Variants in IMMP2L observed in about 807,000 individuals in gnomAD.
IMMP2L encodes inner mitochondrial membrane peptidase subunit 2, also known as mitochondrial inner membrane protease subunit 2.
In IMMP2L, 18 loss-of-function variants were observed where a neutral mutation model predicts 19.3. The observed-to-expected ratio is 0.93, with a 90% confidence interval of 0.64 to 1.38. IMMP2L has a LOEUF of 1.38. Ranked by LOEUF, IMMP2L falls within the 40% of genes most tolerant of loss-of-function variation. The probability of loss-of-function intolerance (pLI) is 0.00; values close to 1 mark genes in which losing one functional copy is unlikely to be tolerated. For missense variants in IMMP2L, 233 were observed against 218.2 expected (o/e 1.07, Z -0.43); for synonymous variants, 76 against 73.0 (o/e 1.04, Z -0.21).
intron 3 of IMMP2L, among the ~76,000 whole-genome samples, chr7:111,304,488 C>A (rs1185222962): frequency 2.0e-5 from 3 of 151,288 alleles, no homozygotes; most frequent in African/African-American, 7.3e-5. Flanking sequence ...ATATTGTGAG[C>A]CCATAGGTGT....
At chr7:110,954,851 C>A (rs1317025927) in intron 4 of IMMP2L, among the ~76,000 whole-genome samples, 3 of 152,018 alleles carry the variant, frequency 2.0e-5, no homozygotes, top group Admixed American at 6.6e-5. Context: ...AAGGAAACCA[C>A]TGACAGGGGT....
intron 3 of IMMP2L, among the ~76,000 whole-genome samples, chr7:111,242,958 G>C (rs1815295755): frequency 6.6e-6 from 1 of 151,964 alleles, no homozygotes; most frequent in South Asian, 2.1e-4. Flanking sequence ...CATTTACTAA[G>C]TTGTATTTTA....
At chr7:111,122,728 T>G in intron 3 of IMMP2L, 5 of 1,475,864 alleles carry the variant, frequency 3.4e-6, no homozygotes, top group Non-Finnish European at 4.7e-6. Flanking sequence ...GCACTGACTG[T>G]GGAATCCTTA....
intron 3 of IMMP2L, among the ~76,000 whole-genome samples, chr7:111,445,292 C>T (rs1838218216): frequency 1.3e-5 from 2 of 152,024 alleles, no homozygotes; most frequent in Admixed American, 6.5e-5. Flanking sequence ...TTTTCCACTA[C>T]AGGTGCTCTC....
At chr7:110,998,492 A>G (rs901829844) in intron 3 of IMMP2L, among the ~76,000 whole-genome samples, 1 of 152,202 alleles carries the variant, frequency 6.6e-6, no homozygotes, top group Non-Finnish European at 1.5e-5. Flanking sequence ...GCAACTATCA[A>G]TTAATCACTG....
At chr7:111,025,162 A>T (rs1304813399) in intron 3 of IMMP2L, among the ~76,000 whole-genome samples, 1 of 152,112 alleles carries the variant, frequency 6.6e-6, no homozygotes, top group Non-Finnish European at 1.5e-5. Context: ...AGCACTTTGA[A>T]CTTTGAACAA....
At chr7:111,165,439 G>T (rs1012639267) in intron 3 of IMMP2L, among the ~76,000 whole-genome samples, 1 of 151,984 alleles carries the variant, frequency 6.6e-6, no homozygotes, top group Non-Finnish European at 1.5e-5. Context: ...TAAATTACCA[G>T]AAGTGGAATT....
Position 110,730,567 on chromosome 7 carries a change from T to C in IMMP2L, c.409-66846A>G, listed in dbSNP as rs140538959. ...TTTTTGAGACGGAGTCTCGCTCTGT[T>C]GCCCAGGCTGGAGTGCATGCCATCT... is the stretch of plus-strand genomic sequence containing the variant. On this transcript the variant is annotated intron_variant, in intron 5 of 5. Transcript: ENST00000405709. Among the ~76,000 whole-genome samples, 830 of 151,824 alleles carry C rather than the reference T, an allele frequency of 5.5e-3. 3 individuals are homozygous for C. Among genetic ancestry groups the C allele is most frequent in the Middle Eastern group, 0.017 (5 of 292 alleles).
chr7:111,394,590 G>T (rs996794317), intron 3 of IMMP2L, among the ~76,000 whole-genome samples: 21 of 152,072 alleles, frequency 1.4e-4, no homozygotes, highest in African/African-American at 5.1e-4. Flanking sequence ...ACTTAGCTCA[G>T]AGTATTCAAG....
At chr7:110,825,386 C>G (rs1044960189) in intron 5 of IMMP2L, among the ~76,000 whole-genome samples, 11 of 152,130 alleles carry the variant, frequency 7.2e-5, no homozygotes, top group African/African-American at 2.4e-4. Context: ...CAAGTCAATC[C>G]TAAGCCAAAA....
At chr7:110,898,972 C>A (rs1354301816) in intron 4 of IMMP2L, among the ~76,000 whole-genome samples, 9 of 151,986 alleles carry the variant, frequency 5.9e-5, no homozygotes, top group Admixed American at 5.9e-4. Context: ...GCCACAAAGA[C>A]AACTCTTTAA....
Position 110,663,022 on chromosome 7 carries a change from A to G in IMMP2L, c.*580T>C, listed in dbSNP as rs942614569. 1 of 152,642 alleles carries G rather than the reference A, an allele frequency of 6.6e-6. No individual in the cohort carries two copies. Among genetic ancestry groups the G allele is most frequent in the Non-Finnish European group, 1.5e-5 (1 of 68,382 alleles). The allele number at this position is 152,642 out of a possible 1,614,324, so 9.5% of individuals were successfully genotyped here. On this transcript the variant is annotated 3_prime_UTR_variant, in exon 6 of 6. Coordinates refer to ENST00000405709, the MANE Select transcript of IMMP2L (RefSeq NM_032549.4). ...AATTCCTCATTAATGGATGTACTCA[A>G]TGAGAATTAAATACTCAAAACAGGA...
At chr7:110,944,647 A>T (rs534752673) in intron 4 of IMMP2L, among the ~76,000 whole-genome samples, 1 of 152,076 alleles carries the variant, frequency 6.6e-6, no homozygotes, top group East Asian at 1.9e-4. Flanking sequence ...CTAGTTAGTT[A>T]CCAGTTTAGA....
At chr7:111,401,269 T>C (rs1211226200) in intron 3 of IMMP2L, among the ~76,000 whole-genome samples, 1 of 152,130 alleles carries the variant, frequency 6.6e-6, no homozygotes, top group Non-Finnish European at 1.5e-5. Flanking sequence ...AGACAGTATT[T>C]TAACTCAAAC....
At chr7:111,319,982 T>A (rs1824510338) in intron 3 of IMMP2L, among the ~76,000 whole-genome samples, 1 of 152,168 alleles carries the variant, frequency 6.6e-6, no homozygotes, top group South Asian at 2.1e-4. Context: ...CCTTGTTAAC[T>A]ATTCATTACT....
chr7:110,988,062 T>G (rs1822044000), intron 3 of IMMP2L, among the ~76,000 whole-genome samples: 2 of 152,192 alleles, frequency 1.3e-5, no homozygotes, highest in South Asian at 4.1e-4. Flanking sequence ...AAGTAGAGCC[T>G]TAATTCTCAG....
chr7:111,087,175 C>T (rs775552870), intron 3 of IMMP2L, among the ~76,000 whole-genome samples: 3 of 152,088 alleles, frequency 2.0e-5, no homozygotes, highest in Admixed American at 6.5e-5. Context: ...CTTTGCCGGG[C>T]GCGGTGGCTC....
chr7:111,145,995 T>C (rs1423936528), intron 3 of IMMP2L, among the ~76,000 whole-genome samples: 1 of 151,952 alleles, frequency 6.6e-6, no homozygotes, highest in Non-Finnish European at 1.5e-5. Context: ...ATATACTGAC[T>C]TAGGAGAGAT....
intron 5 of IMMP2L, among the ~76,000 whole-genome samples, chr7:110,717,055 G>T (rs981819598): frequency 3.5e-4 from 53 of 152,164 alleles, no homozygotes; most frequent in African/African-American, 1.3e-3. Context: ...GAGGATTTGG[G>T]TAAGTCTACC....
Sources: allele counts gnomAD v4.1 joint callset (sites outside exome capture counted in the v4.1 genomes callset), GRCh38; gene constraint gnomAD v4.1.1; transcripts MANE v1.5; gene names NCBI Gene and HGNC (gene_info 2026-07-23, HGNC 2026-07-21).